Variants in VAV1 observed in about 807,000 individuals in gnomAD.
The protein encoded by VAV1 is vav guanine nucleotide exchange factor 1, also known as proto-oncogene vav.
A neutral mutation model predicts 128.1 loss-of-function variants in VAV1; 33 were observed. The ratio of observed to expected loss-of-function variants is 0.26; its 90% CI spans 0.20 to 0.34. The LOEUF (loss-of-function observed/expected upper bound fraction) is 0.34. VAV1 is among the 10% of genes least tolerant of loss of function. The probability of loss-of-function intolerance (pLI) is 1.00; values close to 1 mark genes in which losing one functional copy is unlikely to be tolerated. For synonymous variants in VAV1, 394 were observed against 409.8 expected, an observed-to-expected ratio of 0.96 and a Z score of 0.47; for missense variants, 715 against 1,093.7, an observed-to-expected ratio of 0.65 and a Z score of 4.88.
rs777506541 is a variant in VAV1 at position 6,828,430 on chromosome 19, A to T, written c.1035A>T (p.Lys345Asn). ...KYHLLLQELVKHTQEAMEKEN... is the reference protein window; with the variant it reads ...KYHLLLQELVNHTQEAMEKEN... ...CTTGGTTCTCTCAGGAGCTGGTGAA[A>T]CACACGCAGGAGGCGATGGAGAAGG... Residue 345 changes from lysine to asparagine, a missense_variant, in exon 11 of 27, where the codon AAA becomes AAT. Coordinates refer to ENST00000602142, the MANE Select transcript of VAV1 (RefSeq NM_005428.4). This position sits in a 1 kb window ranked among gnomAD's most constrained non-coding sequence, Gnocchi z 4.5. 6.2e-7 allele frequency: 1 copy of T among 1,614,118 alleles called. No individual in the cohort carries two copies. The highest frequency in any genetic ancestry group is 1.7e-5 in the Admixed American group (1 of 60,008).
At chr19:6,832,359 T>A (rs112861783) in intron 15 of VAV1, among the ~76,000 whole-genome samples, 159 bp downstream of exon 15, 2 of 152,124 alleles carry the variant, frequency 1.3e-5, no homozygotes, top group African/African-American at 4.8e-5. Flanking sequence ...CAAGGCTGTC[T>A]TCATCCTTGG....
chr19:6,853,588 G>A (rs1030226070), intron 25 of VAV1, among the ~76,000 whole-genome samples: 4 of 151,734 alleles, frequency 2.6e-5, no homozygotes, highest in South Asian at 4.2e-4. Flanking sequence ...AAAATCAGCC[G>A]GGCATGGTGG....
intron 1 of VAV1, among the ~76,000 whole-genome samples, chr19:6,815,848 T>A (rs983437970): frequency 6.6e-6 from 1 of 152,090 alleles, no homozygotes; most frequent in Non-Finnish European, 1.5e-5. Flanking sequence ...TGGAAGCTCA[T>A]GCTAGCTTCC....
rs1218506630 is a variant in VAV1, at chr19:6,814,695, T to C, written c.205-6007T>C. Among the ~76,000 whole-genome samples, 1,171 of 120,568 alleles carry C rather than the reference T, an allele frequency of 9.7e-3. 1 individual carries two copies. The highest frequency in any genetic ancestry group is 0.029 in the African/African-American group (709 of 24,720). 79.1% of individuals were successfully genotyped at this position (120,568 alleles called of 152,430 possible). On this transcript the variant is annotated intron_variant, in intron 1 of 26. Transcript: ENST00000602142. ...TCCTTTCTTTCTTTCTTTCTTTCTT[T>C]CTTTCTTTCTTTCTTTCTTTCTTTC... is the stretch of plus-strand genomic sequence containing the variant.
intron 1 of VAV1, among the ~76,000 whole-genome samples, chr19:6,810,496 G>T (rs533066916): frequency 3.3e-5 from 5 of 151,922 alleles, no homozygotes; most frequent in Non-Finnish European, 7.4e-5. Context: ...CTGAGGTCAG[G>T]AGTTCGAGAC....
At chr19:6,823,094 T>C (rs1044310916) in intron 6 of VAV1, among the ~76,000 whole-genome samples, 16 of 148,684 alleles carry the variant, frequency 1.1e-4, no homozygotes, top group Non-Finnish European at 2.1e-4. Flanking sequence ...TTATATATCT[T>C]ATATACATAA....
At chr19:6,836,350 T>A (rs947327927) in intron 19 of VAV1, 82 bp from the exon 20 acceptor site, 1 of 1,515,174 alleles carries the variant, frequency 6.6e-7, no homozygotes, top group African/African-American at 1.4e-5. Flanking sequence ...AAAGAAAAAT[T>A]TTAGCCATTC....
At position 6,829,846 on chromosome 19, in the gene VAV1, C is replaced by T. The variant is rs756598154; in HGVS notation, c.1326C>T (p.Asp442=). Reference sequence around the variant, plus strand: ...GTAAGCGCAGGGGAGACTCCTATGACCTCAAGGACTTTGTAAACCTGCACA... The same window carrying T: ...GTAAGCGCAGGGGAGACTCCTATGATCTCAAGGACTTTGTAAACCTGCACA... ...LICKRRGDSY[D]LKDFVNLHSF... The change falls in exon 14 of 27, where the codon GAC becomes GAT. Residue 442 remains aspartate, a synonymous_variant. Coordinates refer to ENST00000602142, the MANE Select transcript of VAV1 (RefSeq NM_005428.4). 8 of 1,614,176 alleles carry T rather than the reference C, an allele frequency of 5.0e-6. No homozygotes were observed. The South Asian group carries it at 8.8e-5, about 18-fold the overall frequency.
At position 6,814,812 on chromosome 19, in the gene VAV1, C is replaced by G. The variant is rs1053485553; in HGVS notation, c.205-5890C>G. On this transcript the variant is annotated intron_variant, in intron 1 of 26. Coordinates refer to ENST00000602142, the MANE Select transcript of VAV1 (RefSeq NM_005428.4). ...GAATAGAAATGGTGATAGCAGGTTC[C>G]GTTGCGTAGTTCTGATTTCAAAGGG... Among the ~76,000 whole-genome samples, 3 of 150,700 alleles carry G rather than the reference C, an allele frequency of 2.0e-5. No homozygotes were observed. The South Asian group carries it at 6.3e-4, about 31-fold the overall frequency.
intron 6 of VAV1, among the ~76,000 whole-genome samples, chr19:6,823,539 AC>A: frequency 6.6e-6 from 1 of 151,722 alleles, no homozygotes; most frequent in Non-Finnish European, 1.5e-5. Flanking sequence ...TGTTATGTTA[AC>A]CAGGCTGGTC....
intron 22 of VAV1, among the ~76,000 whole-genome samples, chr19:6,847,569 A>G (rs1972554904): frequency 6.6e-6 from 1 of 151,978 alleles, no homozygotes; most frequent in African/African-American, 2.4e-5. Context: ...ACTTATTGTC[A>G]TTTACCTTGA....
chr19:6,789,893 T>C (rs7246124), intron 1 of VAV1, among the ~76,000 whole-genome samples: 43,836 of 152,190 alleles, frequency 0.29, 8,200 homozygotes, highest in African/African-American at 0.53. Context: ...CCACTGCACC[T>C]GGCCTTATTT....
In VAV1 at chr19:6,817,175, G is replaced by A. The variant is rs190329509; in HGVS notation, c.205-3527G>A. Reference sequence around the variant, plus strand: ...CAATTCTCCTGCCTCAGCCTCCCAAGTAGCTGGGATTACAGGTGCCCGCCA... The same window carrying A: ...CAATTCTCCTGCCTCAGCCTCCCAAATAGCTGGGATTACAGGTGCCCGCCA... On this transcript the variant is annotated intron_variant, in intron 1 of 26. Transcript: ENST00000602142. Among the ~76,000 whole-genome samples, 31 of 151,628 alleles carry A rather than the reference G, an allele frequency of 2.0e-4. No individual in the cohort carries two copies. The East Asian group carries it at 6.1e-3, about 30-fold the overall frequency.
intron 1 of VAV1, among the ~76,000 whole-genome samples, chr19:6,800,615 T>G (rs1039807776): frequency 7.0e-6 from 1 of 142,948 alleles, no homozygotes; most frequent in African/African-American, 2.6e-5. Context: ...CAGCTTCTTT[T>G]TTTTGTTTTG....
chr19:6,778,244 G>A (rs972712920), intron 1 of VAV1, among the ~76,000 whole-genome samples: 4 of 152,164 alleles, frequency 2.6e-5, no homozygotes, highest in African/African-American at 9.7e-5. Flanking sequence ...AGACACCACT[G>A]TGCTCTTGAA....
chr19:6,808,492 A>G (rs1568296343), intron 1 of VAV1, among the ~76,000 whole-genome samples: 1 of 152,210 alleles, frequency 6.6e-6, no homozygotes, highest in Non-Finnish European at 1.5e-5. Flanking sequence ...TTATGCAATA[A>G]TCTGAGCTTA....
chr19:6,807,989 CAAA>C (rs980612666), intron 1 of VAV1, among the ~76,000 whole-genome samples: 3 of 52,288 alleles, frequency 5.7e-5, no homozygotes, highest in Non-Finnish European at 1.2e-4. Flanking sequence ...GACTCTGTCT[CAAA>C]AAAAAAAAAA....
chr19:6,809,077 C>CT (rs34550612), intron 1 of VAV1, among the ~76,000 whole-genome samples: 3,021 of 145,376 alleles, frequency 0.021, 113 homozygotes, highest in African/African-American at 0.071. Context: ...ATCTACCTCT[C>CT]TTTTTTTTTT....
chr19:6,799,113 C>T (rs183869885), intron 1 of VAV1, among the ~76,000 whole-genome samples: 6 of 152,142 alleles, frequency 3.9e-5, no homozygotes, highest in East Asian at 1.9e-4. Flanking sequence ...TTCTGTTGTA[C>T]GGATGCACCC....
Sources: allele counts gnomAD v4.1 joint callset (sites outside exome capture counted in the v4.1 genomes callset), GRCh38; gene constraint gnomAD v4.1.1; non-coding constraint Gnocchi (gnomAD v3.1); transcripts MANE v1.5; gene names NCBI Gene and HGNC (gene_info 2026-07-23, HGNC 2026-07-21).